Variants in PDS5A observed in about 807,000 individuals in gnomAD.
PDS5A encodes PDS5 cohesin associated factor A, also known as sister chromatid cohesion protein PDS5 homolog A.
Under a neutral mutation model 167.1 loss-of-function variants are expected in PDS5A, and 42 were observed. That is an observed-to-expected ratio of 0.25 (90% CI 0.20 to 0.33). PDS5A has a LOEUF of 0.33. PDS5A is among the 10% of genes least tolerant of loss of function. PDS5A has a pLI of 1.00. For missense variants in PDS5A, 1,033 were observed against 1,605.9 expected, an observed-to-expected ratio of 0.64 and a Z score of 6.10; for synonymous variants, 553 against 554.6, an observed-to-expected ratio of 1.00 and a Z score of 0.04.
At chr4:39,930,879 C>T (rs1381753924) in intron 2 of PDS5A, among the ~76,000 whole-genome samples, 1 of 152,114 alleles carries the variant, frequency 6.6e-6, no homozygotes, top group Non-Finnish European at 1.5e-5. Context: ...TCATAGGATG[C>T]ACTTACCACT....
At chr4:39,914,158 A>ATTTT (rs1560478626) in intron 8 of PDS5A, among the ~76,000 whole-genome samples, 1 of 133,348 alleles carries the variant, frequency 7.5e-6, no homozygotes. Flanking sequence ...TGATATACAA[A>ATTTT]TTTGTTTTTT....
At chr4:39,921,886 T>A (rs1451844425) in intron 6 of PDS5A, among the ~76,000 whole-genome samples, 1 of 152,188 alleles carries the variant, frequency 6.6e-6, no homozygotes, top group East Asian at 1.9e-4. Context: ...ACATTTGAAT[T>A]AATAAAATGT....
At chr4:39,866,308 G>A (rs1202663411) in intron 23 of PDS5A, among the ~76,000 whole-genome samples, 3 of 151,998 alleles carry the variant, frequency 2.0e-5, no homozygotes, top group Admixed American at 1.3e-4. Context: ...TAGTAGAGAC[G>A]GGGTTTCACC....
At chr4:39,959,696 T>A (rs1195170449) in intron 2 of PDS5A, among the ~76,000 whole-genome samples, 1 of 152,148 alleles carries the variant, frequency 6.6e-6, no homozygotes, top group East Asian at 1.9e-4. Context: ...GGTTCACACC[T>A]GTAATCCCAA....
intron 7 of PDS5A, among the ~76,000 whole-genome samples, chr4:39,919,817 C>T (rs1428303327): frequency 6.6e-6 from 1 of 151,406 alleles, no homozygotes. Flanking sequence ...CTTTTTTTAA[C>T]TATTACTATG....
At chr4:39,953,717 G>C (rs566070850) in intron 2 of PDS5A, among the ~76,000 whole-genome samples, 1 of 152,072 alleles carries the variant, frequency 6.6e-6, no homozygotes, top group African/African-American at 2.4e-5. Context: ...GCCACAGAGC[G>C]AGAACCTGTC....
At chr4:39,852,096 G>A (rs1718167364) in intron 26 of PDS5A, among the ~76,000 whole-genome samples, 1 of 152,192 alleles carries the variant, frequency 6.6e-6, no homozygotes, top group South Asian at 2.1e-4. Flanking sequence ...CTTGTGATAA[G>A]AATGCCAATT....
intron 2 of PDS5A, among the ~76,000 whole-genome samples, chr4:39,941,329 A>G (rs1727205772): frequency 6.6e-6 from 1 of 152,212 alleles, no homozygotes. Flanking sequence ...TTGAGCAACA[A>G]AAATCAACCT....
In PDS5A at chr4:39,829,821, G is replaced by T. The variant is rs1715665028; in HGVS notation, c.4011-4333C>A. The stretch of plus-strand genomic sequence containing the variant: ...AAAAAATTAGCCGGGCGTGGTGGTG[G>T]GTGCCTGTGGTCCCAGCTACTCAGA... On this transcript the variant is annotated intron_variant, in intron 32 of 32. Transcript: ENST00000303538. 2.6e-5 allele frequency among the ~76,000 whole-genome samples: 4 copies of T among 151,116 alleles called. No homozygotes were observed. The South Asian group carries it at 6.3e-4, about 24-fold the overall frequency.
intron 14 of PDS5A, among the ~76,000 whole-genome samples, chr4:39,900,035 C>A (rs1478845345): frequency 6.6e-6 from 1 of 151,760 alleles, no homozygotes; most frequent in Non-Finnish European, 1.5e-5. Context: ...TTTTAGTTTG[C>A]CATTGGCATA....
intron 7 of PDS5A, among the ~76,000 whole-genome samples, chr4:39,917,810 G>A (rs1724533480): frequency 6.6e-6 from 1 of 152,116 alleles, no homozygotes; most frequent in Admixed American, 6.5e-5. Flanking sequence ...CCGTACCTCA[G>A]GTGATCTACA....
At chr4:39,861,495 C>G (rs1445335098) in intron 26 of PDS5A, among the ~76,000 whole-genome samples, 1 of 152,054 alleles carries the variant, frequency 6.6e-6, no homozygotes, top group Non-Finnish European at 1.5e-5. Flanking sequence ...TTAATGGGTA[C>G]AAAAATACAC....
chr4:39,839,993 C>G (rs1013004026), intron 31 of PDS5A, among the ~76,000 whole-genome samples: 5 of 152,012 alleles, frequency 3.3e-5, no homozygotes, highest in South Asian at 2.1e-4. Context: ...ACTCAGGAGG[C>G]TGAGGCAGGA....
intron 7 of PDS5A, among the ~76,000 whole-genome samples, chr4:39,918,155 C>T (rs907337883): frequency 7.8e-6 from 1 of 127,896 alleles, no homozygotes; most frequent in Admixed American, 9.1e-5. Flanking sequence ...ACTCCTCCTG[C>T]ATGGGAGACA....
chr4:39,866,447 C>A (rs2109555983), intron 23 of PDS5A, among the ~76,000 whole-genome samples: 1 of 152,246 alleles, frequency 6.6e-6, no homozygotes, highest in Non-Finnish European at 1.5e-5. Flanking sequence ...TTTCATGGGA[C>A]TCAAGTCACT....
At chr4:39,975,376 T>C (rs1730991424) in intron 2 of PDS5A, among the ~76,000 whole-genome samples, 1 of 152,204 alleles carries the variant, frequency 6.6e-6, no homozygotes, top group African/African-American at 2.4e-5. Flanking sequence ...AATGCAACAT[T>C]AGGTACATTT....
Position 39,844,717 on chromosome 4 carries a change from C to T in PDS5A, c.3487G>A (p.Glu1163Lys), listed in dbSNP as rs1289511658. 3 of 1,613,576 alleles carry T rather than the reference C, an allele frequency of 1.9e-6. No individual in the cohort carries two copies. The highest frequency in any genetic ancestry group is 1.7e-6 in the Non-Finnish European group (2 of 1,179,612). ...TTTACATTAATATTGCTTCCAGTCT[C>T]AGTGCCAGTGCTTCTAACATAGGGT... ...RKPYVRSTGT[E>K]TGSNINVNSE... The change falls in exon 30 of 33, where the codon GAG (glutamate) becomes AAG (lysine). Residue 1163 changes from glutamate to lysine, a missense_variant. Glu to Lys is a moderately conservative substitution (Grantham distance 56). Transcript: ENST00000303538.
chr4:39,954,805 G>A, intron 2 of PDS5A, among the ~76,000 whole-genome samples: 1 of 152,000 alleles, frequency 6.6e-6, no homozygotes, highest in South Asian at 2.1e-4. Flanking sequence ...AACACTTTGG[G>A]AGGCTGAGGC....
intron 2 of PDS5A, among the ~76,000 whole-genome samples, chr4:39,967,560 T>C (rs1008248315): frequency 2.7e-5 from 4 of 150,466 alleles, no homozygotes; most frequent in African/African-American, 9.8e-5. Flanking sequence ...GGCAGGCGAA[T>C]TGCTTGAACT....
Sources: allele counts gnomAD v4.1 joint callset (sites outside exome capture counted in the v4.1 genomes callset), GRCh38; gene constraint gnomAD v4.1.1; transcripts MANE v1.5; gene names NCBI Gene and HGNC (gene_info 2026-07-23, HGNC 2026-07-21).